CEP192: variants seen among roughly 807,000 people sequenced by gnomAD.
CEP192 encodes centrosomal protein of 192 kDa.
A neutral mutation model predicts 271.8 loss-of-function variants in CEP192; 151 were observed. The observed-to-expected ratio is 0.56, with a 90% CI of 0.49 to 0.64. The LOEUF is 0.64. Among genes scored for constraint, CEP192 ranks in the 30% least tolerant of loss-of-function variants. The pLI is 0.00. For synonymous variants in CEP192, 995 were observed against 1,076.5 expected, an observed-to-expected ratio of 0.92 and a Z score of 1.48; for missense variants, 2,910 against 3,020.5, an observed-to-expected ratio of 0.96 and a Z score of 0.86.
chr18:13,035,625 T>C (rs1336530170), intron 11 of CEP192, among the ~76,000 whole-genome samples: 1 of 152,186 alleles, frequency 6.6e-6, no homozygotes, highest in African/African-American at 2.4e-5. Flanking sequence ...CAAACCATAT[T>C]ACCCTCTTTT....
intron 14 of CEP192, 57 bp downstream of exon 14, chr18:13,041,013 T>C: frequency 6.7e-7 from 1 of 1,485,236 alleles, no homozygotes; most frequent in Non-Finnish European, 9.2e-7. Flanking sequence ...ATGCGTAACT[T>C]AGGGGTTAAA....
chr18:13,107,874 T>A, intron 40 of CEP192, among the ~76,000 whole-genome samples: 1 of 116,088 alleles, frequency 8.6e-6, no homozygotes, highest in African/African-American at 3.3e-5. Flanking sequence ...GAAATAAAGA[T>A]AGTATCTCCA....
chr18:13,048,894 C>A lies in CEP192; in HGVS notation c.2103C>A (p.Tyr701Ter). 1 of 1,608,238 alleles carries A rather than the reference C, an allele frequency of 6.2e-7. No homozygotes were observed. Among genetic ancestry groups the A allele is most frequent in the African/African-American group, 1.3e-5 (1 of 74,830 alleles). Residue 701 changes from tyrosine to a stop codon, truncating the protein, a stop_gained, in exon 16 of 45, where the codon TAC (tyrosine) becomes TAA (stop). Transcript: ENST00000506447. LOFTEE classifies it high-confidence loss of function. ...TFFMSNKPQR[Y>*]KDKLPDSGDS... ...TCATGAGCAACAAACCCCAAAGATACAAAGACAAGCTACCAGATAGTGGTG... is the reference window on the plus strand; with the variant it reads ...TCATGAGCAACAAACCCCAAAGATAAAAAGACAAGCTACCAGATAGTGGTG...
chr18:13,068,690 T>A (rs571663795), intron 24 of CEP192, among the ~76,000 whole-genome samples, 162 bp from the exon 25 acceptor site: 1 of 152,346 alleles, frequency 6.6e-6, no homozygotes, highest in South Asian at 2.1e-4. Context: ...TTCTTTCTTT[T>A]ATCACCTTTC....
intron 21 of CEP192, among the ~76,000 whole-genome samples, chr18:13,066,893 T>A (rs2037729476): frequency 6.6e-6 from 1 of 152,112 alleles, no homozygotes; most frequent in African/African-American, 2.4e-5. Flanking sequence ...AATCAGCTCC[T>A]ACTTACTGGT....
chr18:13,031,724 C>A (rs905695968), intron 11 of CEP192, among the ~76,000 whole-genome samples: 1 of 152,168 alleles, frequency 6.6e-6, no homozygotes, highest in Admixed American at 6.5e-5. Flanking sequence ...ATGCAGTACA[C>A]AGTCATCGGC....
intron 9 of CEP192, among the ~76,000 whole-genome samples, chr18:13,027,804 T>C (rs1286869776): frequency 3.9e-5 from 6 of 152,214 alleles, no homozygotes; most frequent in African/African-American, 1.4e-4. Context: ...TTGCAAGTGT[T>C]GTATATGAAA....
chr18:13,069,926 C>T (rs912601823), intron 27 of CEP192, 70 bp downstream of exon 27: 31 of 893,456 alleles, frequency 3.5e-5, no homozygotes, highest in Non-Finnish European at 4.3e-5. Flanking sequence ...TTTGGGAGGC[C>T]GAGGTGGGTG....
chr18:13,068,154 G>A lies in CEP192; in HGVS notation c.4675G>A (p.Val1559Ile), dbSNP rs779956074. Residue 1559 changes from valine to isoleucine, a missense_variant, in exon 23 of 45, where the codon GTT (valine) becomes ATT (isoleucine). Val to Ile is a conservative substitution (Grantham distance 29). Transcript: ENST00000506447. ...GGAATCCGTCCGAGCTCCTGTGGAA[G>A]TTGCTCCTTGCGCTGATGTGGTCAC... is the stretch of plus-strand genomic sequence containing the variant. ...SKESVRAPVE[V>I]APCADVVTRL... 7 of 1,614,236 alleles carry A rather than the reference G, an allele frequency of 4.3e-6. No homozygotes were observed. Among genetic ancestry groups the A allele is most frequent in the East Asian group, 2.2e-5 (1 of 44,892 alleles).
At chr18:13,058,299 A>T (rs949452595) in intron 20 of CEP192, 1 of 152,362 alleles carries the variant, frequency 6.6e-6, no homozygotes, top group Non-Finnish European at 1.5e-5. Context: ...TACAGTGACC[A>T]TTTGAACATT....
intron 44 of CEP192, among the ~76,000 whole-genome samples, chr18:13,121,887 C>T (rs902251254): frequency 2.6e-5 from 4 of 152,232 alleles, no homozygotes; most frequent in African/African-American, 7.2e-5. Context: ...TGACTTCTCA[C>T]CCATGTGTGG....
chr18:13,093,734 C>T (rs149834963), intron 34 of CEP192, among the ~76,000 whole-genome samples: 92 of 152,336 alleles, frequency 6.0e-4, no homozygotes, highest in African/African-American at 2.2e-3. Context: ...AATTACATAA[C>T]TTATGTGGTA....
chr18:13,056,236 T>C lies in CEP192; in HGVS notation c.3646T>C (p.Ser1216Pro). ...TGGCCGTGAGTTCAGTGGCCAGGTT[T>C]CTCATCAGACCACCTCTGAAAACCA... ...TAGREFSGQVSHQTTSENQCT... is the reference protein window; with the variant it reads ...TAGREFSGQVPHQTTSENQCT... The change falls in exon 19 of 45, where the codon TCT becomes CCT. Residue 1216 changes from serine to proline, a missense_variant. Transcript: ENST00000506447. 1 of 1,613,982 alleles carries C rather than the reference T, an allele frequency of 6.2e-7. No individual in the cohort carries two copies. The highest frequency in any genetic ancestry group is 1.3e-5 in the African/African-American group (1 of 75,064).
At position 13,103,494 on chromosome 18, in the gene CEP192, A is replaced by ATG. The variant is rs776996997; in HGVS notation, c.6872-11_6872-10dup. The ATG allele has an allele frequency of 6.2e-7, 1 of 1,604,318 alleles. No individual in the cohort carries two copies. Among genetic ancestry groups the ATG allele is most frequent in the Admixed American group, 1.7e-5 (1 of 59,986 alleles). Reference sequence around the variant, plus strand: ...TCTCTCCGAGTTTGAGTTATGATATATGTGTTCCTTTTAGAGAGCTGTCTA... The same window carrying ATG: ...TCTCTCCGAGTTTGAGTTATGATATATGTGTGTTCCTTTTAGAGAGCTGTCTA... On this transcript the variant is annotated splice_polypyrimidine_tract_variant and intron_variant, in intron 38 of 44. Transcript: ENST00000506447.
intron 15 of CEP192, among the ~76,000 whole-genome samples, chr18:13,042,688 AACTTC>A (rs1311332199): frequency 3.7e-4 from 56 of 152,186 alleles, no homozygotes; most frequent in African/African-American, 1.4e-3. Context: ...TCTGATTCTA[AACTTC>A]ACTTAAAAGA....
Position 13,029,680 on chromosome 18 carries a change from T to C in CEP192, c.1068T>C (p.Asp356=), listed in dbSNP as rs1181566856. The change falls in exon 10 of 45, where the codon GAT becomes GAC. Residue 356 remains aspartate (D), a synonymous_variant. Coordinates refer to ENST00000506447, the MANE Select transcript of CEP192 (RefSeq NM_032142.4). ...PDLNSECASK[D]VLVKTLRAID... is the part of the protein sequence containing the mutation. ...TTTTAAAGGAATGTGCAAGTAAAGATGTTCTGGTGAAGACCCTCAGGGCTA... is the reference window on the plus strand; with the variant it reads ...TTTTAAAGGAATGTGCAAGTAAAGACGTTCTGGTGAAGACCCTCAGGGCTA... The C allele has an allele frequency of 1.3e-6, 2 of 1,513,556 alleles. No individual in the cohort carries two copies. Among genetic ancestry groups the C allele is most frequent in the Admixed American group, 2.2e-5 (1 of 46,480 alleles). 93.8% of individuals were successfully genotyped at this position (1,513,556 alleles called of 1,614,324 possible). A position where few individuals can be genotyped will look rare whatever the true frequency, so the allele number is the denominator to read the frequency against.
rs1289950703 is a variant in CEP192, at chr18:13,056,172, TGAA to T, written c.3585_3587del (p.Glu1195del). On this transcript the variant is annotated inframe_deletion, in exon 19 of 45. Coordinates refer to ENST00000506447, the MANE Select transcript of CEP192 (RefSeq NM_032142.4). ...CTGTGTCCTGCCAGGAGCCTATAGA[TGAA>T]GATCAAAGAATAAGTCCTAAAGATA... is the stretch of plus-strand genomic sequence containing the variant. 1.2e-6 allele frequency: 2 copies of T among 1,613,894 alleles called. No individual in the cohort carries two copies. The highest frequency in any genetic ancestry group is 3.3e-5 in the Admixed American group (2 of 60,002).
intron 40 of CEP192, 142 bp from the exon 41 acceptor site, chr18:13,113,444 C>A (rs2040294977): frequency 2.6e-6 from 2 of 784,284 alleles, no homozygotes; most frequent in East Asian, 2.7e-5. Flanking sequence ...TGTCCAAATT[C>A]TTTCAATTAA....
chr18:13,062,974 G>A (rs936163830), intron 21 of CEP192, among the ~76,000 whole-genome samples: 2 of 152,104 alleles, frequency 1.3e-5, no homozygotes, highest in African/African-American at 4.8e-5. Context: ...AAGTGAGAAC[G>A]TGATGTTTGT....
Sources: gnomAD v4.1 joint callset for allele counts (sites outside exome capture counted in the v4.1 genomes callset) on GRCh38, gnomAD v4.1.1 for gene constraint, MANE v1.5 for transcripts, NCBI Gene and HGNC (gene_info 2026-07-23, HGNC 2026-07-21) for gene names.